Variants in RHOBTB1 observed in about 807,000 individuals in gnomAD.
The protein encoded by RHOBTB1 is Rho related BTB domain containing 1.
Under a neutral mutation model 71.6 loss-of-function variants are expected in RHOBTB1, and 40 were observed. The observed-to-expected ratio is 0.56, with a 90% confidence interval of 0.43 to 0.73. The LOEUF is 0.73. RHOBTB1 is among the 30% of genes least tolerant of loss of function. The pLI is 0.00. For missense variants in RHOBTB1, 797 were observed against 894.0 expected (o/e 0.89, Z 1.38); for synonymous variants, 319 against 334.9 (o/e 0.95, Z 0.52).
intron 2 of RHOBTB1, among the ~76,000 whole-genome samples, chr10:60,961,962 C>G (rs1459036047): frequency 1.3e-5 from 2 of 151,930 alleles, no homozygotes; most frequent in Non-Finnish European, 2.9e-5. Flanking sequence ...CATGCACTAC[C>G]ACGCCTGGAT....
chr10:60,868,412 T>C (rs916805338), downstream of RHOBTB1, among the ~76,000 whole-genome samples: 1 of 152,210 alleles, frequency 6.6e-6, no homozygotes, highest in African/African-American at 2.4e-5. Context: ...TCAGAAGTGC[T>C]GAACTCATAA....
At chr10:60,887,005 C>G (rs141580500) in intron 6 of RHOBTB1, among the ~76,000 whole-genome samples, 2 of 151,432 alleles carry the variant, frequency 1.3e-5, no homozygotes, top group Admixed American at 1.3e-4. Context: ...AAAATAATTC[C>G]CTATTATCAT....
At chr10:60,879,512 AT>A (rs529044775) in intron 7 of RHOBTB1, among the ~76,000 whole-genome samples, 1,687 of 144,556 alleles carry the variant, frequency 0.012, 21 homozygotes, top group South Asian at 0.034. Context: ...TATTTTATTA[AT>A]TTTTTTTTTT....
chr10:60,863,270 G>A, the RHOBTB1 span, among the ~76,000 whole-genome samples: 6 of 152,196 alleles, frequency 3.9e-5, no homozygotes, highest in African/African-American at 1.4e-4. Context: ...TTATTTGGGG[G>A]GAGTACAAAT....
chr10:60,883,703 T>C (rs893548247), intron 7 of RHOBTB1, among the ~76,000 whole-genome samples: 5 of 152,226 alleles, frequency 3.3e-5, no homozygotes, highest in Non-Finnish European at 7.3e-5. Flanking sequence ...ATACCATCAC[T>C]ACCAACAACA....
chr10:60,963,654 A>G (rs1274618654), intron 2 of RHOBTB1, among the ~76,000 whole-genome samples: 1 of 152,172 alleles, frequency 6.6e-6, no homozygotes, highest in African/African-American at 2.4e-5. Flanking sequence ...GTGGTCCTCC[A>G]AAAGATATCC....
At chr10:60,924,985 A>C (rs982467352) in intron 2 of RHOBTB1, among the ~76,000 whole-genome samples, 1 of 152,222 alleles carries the variant, frequency 6.6e-6, no homozygotes, top group Non-Finnish European at 1.5e-5. Context: ...TGACGGGGAT[A>C]GATCACTCAT....
chr10:60,991,246 C>T (rs1257600785), intron 1 of RHOBTB1, among the ~76,000 whole-genome samples: 1 of 152,002 alleles, frequency 6.6e-6, no homozygotes. Flanking sequence ...CTACAGCACT[C>T]CCCACACCCC....
chr10:60,942,104 A>G (rs1461473428), intron 1 of RHOBTB1, among the ~76,000 whole-genome samples: 1 of 152,220 alleles, frequency 6.6e-6, no homozygotes, highest in Non-Finnish European at 1.5e-5. Flanking sequence ...TACCAAAAAA[A>G]CAAACAAAAC....
Position 60,952,902 on chromosome 10 carries a change from G to A in RHOBTB1, c.-61-11048C>T, listed in dbSNP as rs117940118. On this transcript the variant is annotated intron_variant, in intron 2 of 11. Transcript: ENST00000357917. ...CAATACTTGTGGATCAGGTGTCGAT[G>A]AGCGATATGCCCTCACAACCACAAA... Among the ~76,000 whole-genome samples, 4 of 152,222 alleles carry A rather than the reference G, an allele frequency of 2.6e-5. No homozygotes were observed. In the East Asian group the frequency reaches 7.7e-4, roughly 29 times the overall value.
Position 60,886,243 on chromosome 10 carries a change from T to C in RHOBTB1, c.1457-13A>G. The C allele has an allele frequency of 6.2e-7, 1 of 1,606,818 alleles. No individual in the cohort carries two copies. Among genetic ancestry groups the C allele is most frequent in the Non-Finnish European group, 8.5e-7 (1 of 1,173,614 alleles). ...TTAAATGTCACGTCTGCCAAGGGAT[T>C]GAGGAAACACAACCATGAGCCAACT... is the stretch of plus-strand genomic sequence containing the variant. On this transcript the variant is annotated splice_polypyrimidine_tract_variant and intron_variant, in intron 6 of 10. Transcript: ENST00000337910.
At chr10:60,903,316 C>G (rs1455848466) in intron 4 of RHOBTB1, among the ~76,000 whole-genome samples, 1 of 152,132 alleles carries the variant, frequency 6.6e-6, no homozygotes, top group East Asian at 1.9e-4. Context: ...GCTGGGAAGG[C>G]AGGCTGGGAT....
intron 2 of RHOBTB1, among the ~76,000 whole-genome samples, chr10:60,958,672 C>T (rs928803067): frequency 3.9e-5 from 6 of 152,108 alleles, no homozygotes; most frequent in South Asian, 4.1e-4. Flanking sequence ...GGCATGATCA[C>T]AGTTCACTGC....
At chr10:60,864,009 G>A in the RHOBTB1 span, among the ~76,000 whole-genome samples, 7 of 152,218 alleles carry the variant, frequency 4.6e-5, no homozygotes, top group Admixed American at 2.6e-4. Flanking sequence ...CCCCTCCACT[G>A]CCTGAGCACT....
intron 2 of RHOBTB1, among the ~76,000 whole-genome samples, chr10:60,927,469 C>G (rs1456491588): frequency 2.6e-5 from 4 of 152,090 alleles, no homozygotes; most frequent in Admixed American, 6.6e-5. Flanking sequence ...AATCATACTA[C>G]AAAGCTATAG....
intron 2 of RHOBTB1, among the ~76,000 whole-genome samples, chr10:60,984,493 G>A (rs2086599970): frequency 6.6e-6 from 1 of 152,292 alleles, no homozygotes; most frequent in South Asian, 2.1e-4. Flanking sequence ...CGTAGGGCTT[G>A]AGAATTTGAA....
At chr10:60,903,508 C>T (rs770978796) in intron 4 of RHOBTB1, among the ~76,000 whole-genome samples, 3 of 152,276 alleles carry the variant, frequency 2.0e-5, no homozygotes, top group Admixed American at 1.3e-4. Context: ...AGTTCCAGAA[C>T]GAACCAGCTA....
intron 2 of RHOBTB1, among the ~76,000 whole-genome samples, chr10:60,921,816 C>A (rs756597063): frequency 1.6e-4 from 25 of 152,282 alleles, no homozygotes; most frequent in Non-Finnish European, 2.9e-4. Context: ...GAGAGAAACA[C>A]CTTGAGGGAC....
intron 8 of RHOBTB1, 76 bp from the exon 9 acceptor site, chr10:60,875,118 T>C (rs1285352023): frequency 3.9e-6 from 4 of 1,027,090 alleles, no homozygotes; most frequent in South Asian, 1.3e-5. Context: ...AGGGTTGGTC[T>C]GGGACGACTT....
Sources: allele counts gnomAD v4.1 joint callset (sites outside exome capture counted in the v4.1 genomes callset), GRCh38; gene constraint gnomAD v4.1.1; transcripts MANE v1.5; gene names NCBI Gene and HGNC (gene_info 2026-07-23, HGNC 2026-07-21).